ZC3H10: variants seen among roughly 807,000 people sequenced by gnomAD.
ZC3H10 encodes the protein zinc finger CCCH domain-containing protein 10.
In ZC3H10, 12 loss-of-function variants were observed where a neutral mutation model predicts 24.3. The observed-to-expected ratio is 0.49, with a 90% CI of 0.32 to 0.80. The LOEUF (loss-of-function observed/expected upper bound fraction) is 0.80. ZC3H10 is among the 30% of genes least tolerant of loss of function. The pLI is 0.04. For missense variants in ZC3H10, 360 were observed against 576.3 expected, an observed-to-expected ratio of 0.62 and a Z score of 3.84; for synonymous variants, 226 against 217.0, an observed-to-expected ratio of 1.04 and a Z score of -0.36.
Position 56,121,126 on chromosome 12 carries a change from T to TC in ZC3H10, c.565dup (p.Leu189ProfsTer3). ...CAGTCCTCCCAGGACGACGTCATGA[T>TC]CTCTATGATATCTATGACCTTCCTG... On this transcript the variant is annotated frameshift_variant, in exon 3 of 3. Coordinates refer to ENST00000257940, the MANE Select transcript of ZC3H10 (RefSeq NM_032786.3). LOFTEE classifies it high-confidence loss of function. The surrounding 1 kb of genome is among the most constrained non-coding windows in gnomAD (Gnocchi z 6.2). 1 of 1,614,200 alleles carries TC rather than the reference T, an allele frequency of 6.2e-7. No homozygotes were observed. The highest frequency in any genetic ancestry group is 8.5e-7 in the Non-Finnish European group (1 of 1,180,032).
Position 56,126,707 on chromosome 12 carries a change from T to C in ZC3H10, c.*4840T>C, listed in dbSNP as rs1201649749. 2.6e-5 allele frequency: 4 copies of C among 152,192 alleles called. No homozygotes were observed. Among genetic ancestry groups the C allele is most frequent in the Non-Finnish European group, 4.4e-5 (3 of 68,032 alleles). The allele number at this position is 152,192 out of a possible 1,614,324, so 9.4% of individuals were successfully genotyped here. ...TGGTGAGCAGGTCACTCATAATTCC[T>C]CCAATTTCCTTGTTTCCCTTTTCTA... On this transcript the variant is annotated 3_prime_UTR_variant, in exon 3 of 3. Transcript: ENST00000257940.
At chr12:56,120,307 G>A in intron 2 of ZC3H10, 1 of 985,460 alleles carries the variant, frequency 1.0e-6, no homozygotes, top group Non-Finnish European at 1.2e-6. Context: ...CGTTAGCCAG[G>A]CAAGTGTGAA....
chr12:56,120,464 G>A (rs1869774263), intron 2 of ZC3H10, 47 bp from the exon 3 acceptor site: 1 of 1,422,356 alleles, frequency 7.0e-7, no homozygotes, highest in African/African-American at 1.4e-5. Context: ...GGAAGAGTGG[G>A]ATCTCCCTGG....
At position 56,121,090 on chromosome 12, in the gene ZC3H10, C is replaced by G. The variant is rs865779094; in HGVS notation, c.528C>G (p.Gly176=). The part of the protein sequence containing the change: ...DARGGGGTGG[G]STGSVLPGRR... Reference sequence around the variant, plus strand: ...GGGGTGGAGGAGGCACTGGTGGGGGCTCAACAGGCTCAGTCCTCCCAGGAC... The same window carrying G: ...GGGGTGGAGGAGGCACTGGTGGGGGGTCAACAGGCTCAGTCCTCCCAGGAC... Residue 176 remains glycine (G), a synonymous_variant, in exon 3 of 3, where the codon GGC becomes GGG. Coordinates refer to ENST00000257940, the MANE Select transcript of ZC3H10 (RefSeq NM_032786.3). The surrounding 1 kb of genome is among the most constrained non-coding windows in gnomAD (Gnocchi z 6.2). 1 of 1,614,216 alleles carries G rather than the reference C, an allele frequency of 6.2e-7. No homozygotes were observed. Among genetic ancestry groups the G allele is most frequent in the African/African-American group, 1.3e-5 (1 of 75,046 alleles).
In ZC3H10 at chr12:56,122,971, G is replaced by A. The variant is rs982569075; in HGVS notation, c.*1104G>A. On this transcript the variant is annotated 3_prime_UTR_variant, in exon 3 of 3. Coordinates refer to ENST00000257940, the MANE Select transcript of ZC3H10 (RefSeq NM_032786.3). ...GTCCCTCCTACCCCACCCCTTCAGT[G>A]GCCAGTTCCTGAAGCCTTCAAGGCT... 6.6e-6 allele frequency: 1 copy of A among 152,336 alleles called. No individual in the cohort carries two copies. The highest frequency in any genetic ancestry group is 2.4e-5 in the African/African-American group (1 of 41,430). 9.4% of individuals were successfully genotyped at this position (152,336 alleles called of 1,614,324 possible).
intron 1 of ZC3H10, chr12:56,118,782 A>G (rs1869717750): frequency 6.6e-6 from 1 of 152,124 alleles, no homozygotes; most frequent in Non-Finnish European, 1.5e-5. Context: ...CTCACTAGCC[A>G]TTACTAACTC....
Position 56,121,064 on chromosome 12 carries a change from C to T in ZC3H10, c.502C>T (p.Arg168Trp), listed in dbSNP as rs201573502. 1.2e-4 allele frequency: 199 copies of T among 1,614,056 alleles called. No homozygotes were observed. Among genetic ancestry groups the T allele is most frequent in the Non-Finnish European group, 7.1e-5 (84 of 1,179,994 alleles). The change falls in exon 3 of 3, where the codon CGG (arginine) becomes TGG (tryptophan). Residue 168 changes from arginine to tryptophan, a missense_variant. Arg to Trp is a moderately radical substitution (Grantham distance 101). Around this residue, in one of 3 missense-constraint regions of ZC3H10, gnomAD observed 101 missense variants for 110.8 expected, o/e 0.91. Coordinates refer to ENST00000257940, the MANE Select transcript of ZC3H10 (RefSeq NM_032786.3). The surrounding 1 kb of genome is among the most constrained non-coding windows in gnomAD (Gnocchi z 6.2). ...HLQRDFEFDA[R>W]GGGGTGGGST... is the part of the protein sequence containing the mutation. ...GCAACGGGATTTTGAGTTTGATGCT[C>T]GGGGTGGAGGAGGCACTGGTGGGGG...
rs997670319 is a variant in ZC3H10 at position 56,118,337 on chromosome 12, T to G, written c.-117+19T>G. ...GCGGCAGGTGAGGGAGGCGGGAGAC[T>G]TAGGTGGAGGCCGCGCCCGGAGGGG... On this transcript the variant is annotated intron_variant, in intron 1 of 2. Transcript: ENST00000257940. 3 of 153,564 alleles carry G rather than the reference T, an allele frequency of 2.0e-5. No individual in the cohort carries two copies. Among genetic ancestry groups the G allele is most frequent in the African/African-American group, 7.3e-5 (3 of 41,372 alleles). The allele number at this position is 153,564 out of a possible 1,614,324, so 9.5% of individuals were successfully genotyped here.
chr12:56,122,105 A>G lies in ZC3H10; in HGVS notation c.*238A>G. On this transcript the variant is annotated 3_prime_UTR_variant, in exon 3 of 3. Coordinates refer to ENST00000257940, the MANE Select transcript of ZC3H10 (RefSeq NM_032786.3). ...ACAGTGGGGGCTTGCAGAGGAGTGC[A>G]GACTGAAGCCAGCAGAGAGGAAGGA... The G allele has an allele frequency of 3.6e-6, 2 of 556,126 alleles. No individual in the cohort carries two copies. Among genetic ancestry groups the G allele is most frequent in the Non-Finnish European group, 6.4e-6 (2 of 310,228 alleles). 34.4% of individuals were successfully genotyped at this position (556,126 alleles called of 1,614,324 possible).
chr12:56,120,263 T>G (rs1474576891), intron 2 of ZC3H10: 2 of 985,304 alleles, frequency 2.0e-6, no homozygotes, highest in Non-Finnish European at 2.4e-6. Context: ...CAACACTATT[T>G]TTTCCCTGCT....
rs1869999005 is a variant in ZC3H10, at chr12:56,126,546, C to A, written c.*4679C>A. On this transcript the variant is annotated 3_prime_UTR_variant, in exon 3 of 3. Transcript: ENST00000257940. The stretch of plus-strand genomic sequence containing the variant: ...GGAAGGGAGAAGTTTGGAAAAGAAC[C>A]TCCATAGGTCACCCTCTCCATTCCC... The A allele has an allele frequency of 6.6e-6, 1 of 152,134 alleles. No homozygotes were observed. Among genetic ancestry groups the A allele is most frequent in the Non-Finnish European group, 1.5e-5 (1 of 68,032 alleles). 9.4% of individuals were successfully genotyped at this position (152,134 alleles called of 1,614,324 possible).
Position 56,122,108 on chromosome 12 carries a change from C to G in ZC3H10, c.*241C>G, listed in dbSNP as rs764935491. On this transcript the variant is annotated 3_prime_UTR_variant, in exon 3 of 3. Transcript: ENST00000257940. ...GTGGGGGCTTGCAGAGGAGTGCAGA[C>G]TGAAGCCAGCAGAGAGGAAGGACTG... The G allele has an allele frequency of 1.8e-6, 1 of 547,198 alleles. No homozygotes were observed. The highest frequency in any genetic ancestry group is 3.3e-6 in the Non-Finnish European group (1 of 304,270). The allele number at this position is 547,198 out of a possible 1,614,324, so 33.9% of individuals were successfully genotyped here.
At position 56,121,078 on chromosome 12, in the gene ZC3H10, C is replaced by T; in HGVS notation, c.516C>T (p.Gly172=). Residue 172 remains glycine (G), a synonymous_variant, in exon 3 of 3, where the codon GGC becomes GGT. Coordinates refer to ENST00000257940, the MANE Select transcript of ZC3H10 (RefSeq NM_032786.3). This position sits in a 1 kb window ranked among gnomAD's most constrained non-coding sequence, Gnocchi z 6.2. ...DFEFDARGGG[G]TGGGSTGSVL... ...AGTTTGATGCTCGGGGTGGAGGAGG[C>T]ACTGGTGGGGGCTCAACAGGCTCAG... 6.2e-7 allele frequency: 1 copy of T among 1,614,164 alleles called. No individual in the cohort carries two copies. Among genetic ancestry groups the T allele is most frequent in the Non-Finnish European group, 8.5e-7 (1 of 1,180,024 alleles).
In ZC3H10 at chr12:56,121,200, G is replaced by C; in HGVS notation, c.638G>C (p.Gly213Ala). The stretch of plus-strand genomic sequence containing the variant: ...CCAGGCCCAAAACGCCGGCGAGGTG[G>C]ATGCTGCCCCCCTGATGGCCCTCAT... ...HEPGPKRRRG[G>A]CCPPDGPHFE... The change falls in exon 3 of 3, where the codon GGA becomes GCA. Residue 213 changes from glycine to alanine, a missense_variant. Gly to Ala is a moderately conservative substitution (Grantham distance 60). Around this residue, in one of 3 missense-constraint regions of ZC3H10, gnomAD observed 101 missense variants for 110.8 expected, o/e 0.91. Transcript: ENST00000257940. The surrounding 1 kb of genome is among the most constrained non-coding windows in gnomAD (Gnocchi z 6.2). The C allele has an allele frequency of 6.2e-7, 1 of 1,614,022 alleles. No individual in the cohort carries two copies. Among genetic ancestry groups the C allele is most frequent in the Non-Finnish European group, 8.5e-7 (1 of 1,180,028 alleles).
Position 56,120,550 on chromosome 12 carries a change from G to A in ZC3H10, c.-13G>A. On this transcript the variant is annotated 5_prime_UTR_variant, in exon 3 of 3. Transcript: ENST00000257940. ...GGCAAGATAAAGAAAACCCTGAGTTGGGCGGGACCAGGATGCCTGACCGGG... is the reference window on the plus strand; with the variant it reads ...GGCAAGATAAAGAAAACCCTGAGTTAGGCGGGACCAGGATGCCTGACCGGG... The A allele has an allele frequency of 6.6e-7, 1 of 1,523,678 alleles. No individual in the cohort carries two copies. The highest frequency in any genetic ancestry group is 8.8e-7 in the Non-Finnish European group (1 of 1,141,188). 94.4% of individuals were successfully genotyped at this position (1,523,678 alleles called of 1,614,324 possible). A position where few individuals can be genotyped will look rare whatever the true frequency, so the allele number is the denominator to read the frequency against.
chr12:56,120,731 C>T lies in ZC3H10; in HGVS notation c.169C>T (p.Arg57Ter), dbSNP rs761233227. ...TGTGTGCAAGCGAGGCAAGCGTTGC[C>T]GATATCGCCACCCAGACATGAGCGA... ...RNVCKRGKRC[R>*]YRHPDMSEVS... Residue 57 changes from arginine to a stop codon, truncating the protein, a stop_gained, in exon 3 of 3, where the codon CGA (arginine) becomes TGA (stop). Coordinates refer to ENST00000257940, the MANE Select transcript of ZC3H10 (RefSeq NM_032786.3). LOFTEE classifies it high-confidence loss of function. 3.1e-6 allele frequency: 5 copies of T among 1,614,160 alleles called. No individual in the cohort carries two copies. The highest frequency in any genetic ancestry group is 4.2e-6 in the Non-Finnish European group (5 of 1,180,026).
Position 56,125,010 on chromosome 12 carries a change from T to TA in ZC3H10, c.*3144dup, listed in dbSNP as rs1299730036. 6.6e-6 allele frequency: 1 copy of TA among 152,168 alleles called. No homozygotes were observed. The highest frequency in any genetic ancestry group is 1.5e-5 in the Non-Finnish European group (1 of 68,040). The allele number at this position is 152,168 out of a possible 1,614,324, so 9.4% of individuals were successfully genotyped here. On this transcript the variant is annotated 3_prime_UTR_variant, in exon 3 of 3. Transcript: ENST00000257940. ...TAGAACCTTGGTAATAGATTACAAA[T>TA]ACAGCAGTTCTATGTTCTGCCTAAG...
Position 56,120,839 on chromosome 12 carries a change from C to A in ZC3H10, c.277C>A (p.Arg93Ser). The A allele has an allele frequency of 6.2e-7, 1 of 1,614,156 alleles. No individual in the cohort carries two copies. The highest frequency in any genetic ancestry group is 8.5e-7 in the Non-Finnish European group (1 of 1,180,032). ...QNKECSRPNC[R>S]FIHGSKEDED... The stretch of plus-strand genomic sequence containing the variant: ...CAAGGAGTGTAGCCGCCCAAATTGC[C>A]GTTTCATCCATGGCTCCAAGGAGGA... Residue 93 changes from arginine (R) to serine (S), a missense_variant, in exon 3 of 3, where the codon CGT (arginine) becomes AGT (serine). This residue lies in a region of ZC3H10 where 126 missense variants were observed against 208.8 expected (regional missense o/e 0.60). Transcript: ENST00000257940.
rs976072030 is a variant in ZC3H10, at chr12:56,125,501, T to C, written c.*3634T>C. ...ACCTCGGCCTCCCAAAGTGCTGGGATTACAGGCGTTGAGCCACCGCACCCA... is the reference window on the plus strand; with the variant it reads ...ACCTCGGCCTCCCAAAGTGCTGGGACTACAGGCGTTGAGCCACCGCACCCA... On this transcript the variant is annotated 3_prime_UTR_variant, in exon 3 of 3. Transcript: ENST00000257940. The C allele has an allele frequency of 6.6e-6, 1 of 152,290 alleles. No individual in the cohort carries two copies. Among genetic ancestry groups the C allele is most frequent in the East Asian group, 1.9e-4 (1 of 5,186 alleles). 9.4% of individuals were successfully genotyped at this position (152,290 alleles called of 1,614,324 possible). A position where few individuals can be genotyped will look rare whatever the true frequency, so the allele number is the denominator to read the frequency against.
Sources: allele counts gnomAD v4.1 joint callset, GRCh38; gene constraint gnomAD v4.1.1; regional missense constraint gnomAD v4.1.1; non-coding constraint Gnocchi (gnomAD v3.1); transcripts MANE v1.5; gene names NCBI Gene and HGNC (gene_info 2026-07-23, HGNC 2026-07-21).